FAM168B: variants seen among roughly 807,000 people sequenced by gnomAD.
FAM168B encodes the protein myelin-associated neurite-outgrowth inhibitor.
Under a neutral mutation model 21.8 loss-of-function variants are expected in FAM168B, and 19 were observed. The observed-to-expected ratio is 0.87, with a 90% CI of 0.61 to 1.28. FAM168B has a LOEUF of 1.28. FAM168B is among the 50% of genes most tolerant of loss of function. The pLI is 0.00. For synonymous variants in FAM168B, 126 were observed against 104.8 expected, an observed-to-expected ratio of 1.20 and a Z score of -1.24; for missense variants, 233 against 263.1, an observed-to-expected ratio of 0.89 and a Z score of 0.79.
At position 131,048,784 on chromosome 2, in the gene FAM168B, C is replaced by T. The variant is rs563602792; in HGVS notation, c.*3681G>A. On this transcript the variant is annotated 3_prime_UTR_variant, in exon 7 of 7. Coordinates refer to ENST00000389915, the MANE Select transcript of FAM168B (RefSeq NM_001009993.4). Reference sequence around the variant, plus strand: ...GGCCAACCACACTCTGCTTTAGAGACCCTCTCAGAAAGCACCAGAGAGGAG... The same window carrying T: ...GGCCAACCACACTCTGCTTTAGAGATCCTCTCAGAAAGCACCAGAGAGGAG... 5 of 986,428 alleles carry T rather than the reference C, an allele frequency of 5.1e-6. No individual in the cohort carries two copies. The highest frequency in any genetic ancestry group is 4.7e-5 in the South Asian group (1 of 21,328). The allele number at this position is 986,428 out of a possible 1,614,324, so 61.1% of individuals were successfully genotyped here. A position where few individuals can be genotyped will look rare whatever the true frequency, so the allele number is the denominator to read the frequency against.
chr2:131,064,354 G>C (rs1284148665), intron 3 of FAM168B, among the ~76,000 whole-genome samples: 1 of 152,164 alleles, frequency 6.6e-6, no homozygotes, highest in East Asian at 1.9e-4. Flanking sequence ...CATGTGAGGA[G>C]AGAAGATCTG....
At chr2:131,062,776 T>A (rs1320935698) in intron 3 of FAM168B, among the ~76,000 whole-genome samples, 1 of 152,188 alleles carries the variant, frequency 6.6e-6, no homozygotes. Context: ...ACACCTACTT[T>A]ACAGGTAGGC....
At chr2:131,062,697 C>A (rs1205511345) in intron 3 of FAM168B, among the ~76,000 whole-genome samples, 1 of 152,120 alleles carries the variant, frequency 6.6e-6, no homozygotes, top group Non-Finnish European at 1.5e-5. Flanking sequence ...ATCCACCCAC[C>A]TCGGCCTCCC....
chr2:131,059,075 A>G (rs1462893525), intron 3 of FAM168B, among the ~76,000 whole-genome samples: 1 of 152,186 alleles, frequency 6.6e-6, no homozygotes, highest in Non-Finnish European at 1.5e-5. Flanking sequence ...GCGGGCACAC[A>G]TGTGACTAGT....
chr2:131,052,678 T>TG (rs1179069445), intron 6 of FAM168B, among the ~76,000 whole-genome samples: 1 of 152,190 alleles, frequency 6.6e-6, no homozygotes, highest in Non-Finnish European at 1.5e-5. Flanking sequence ...AGGCTCAAGA[T>TG]GGACAGTGTC....
Position 131,055,336 on chromosome 2 carries a change from G to A in FAM168B, c.411C>T (p.Pro137=), listed in dbSNP as rs776913934. The A allele has an allele frequency of 6.3e-7, 1 of 1,585,252 alleles. No individual in the cohort carries two copies. Among genetic ancestry groups the A allele is most frequent in the Non-Finnish European group, 8.5e-7 (1 of 1,171,380 alleles). Residue 137 remains proline, a synonymous_variant, in exon 5 of 7, where the codon CCC becomes CCT. Coordinates refer to ENST00000389915, the MANE Select transcript of FAM168B (RefSeq NM_001009993.4). The part of the protein sequence containing the change: ...MPATVYPAPI[P]PPRGNGVTMG... ...TGGTGACCCCGTTGCCTCTAGGAGG[G>A]GGGATGGGAGCAGGGTACACCGTTG...
chr2:131,056,503 A>C (rs373880808), intron 3 of FAM168B, among the ~76,000 whole-genome samples: 17 of 152,276 alleles, frequency 1.1e-4, no homozygotes, highest in African/African-American at 3.9e-4. Flanking sequence ...CTCCAGAAGC[A>C]GATAAAGAGA....
chr2:131,065,089 G>A (rs539384652), intron 3 of FAM168B, among the ~76,000 whole-genome samples: 22 of 152,302 alleles, frequency 1.4e-4, no homozygotes, highest in African/African-American at 4.3e-4. Context: ...GTGAAGGAAG[G>A]TCGGGGCAGC....
In FAM168B at chr2:131,055,375, G is replaced by T. The variant is rs777399561; in HGVS notation, c.372C>A (p.Pro124=). ...GGTACACCGTTGCAGGCATGCCGTT[G>T]GGCTGCACCACCGTGGTGTGGTGGA... ...HVIHHTTVVQ[P]NGMPATVYPA... The change falls in exon 5 of 7, where the codon CCC becomes CCA. Residue 124 remains proline (P), a synonymous_variant. Transcript: ENST00000389915. The T allele has an allele frequency of 6.2e-7, 1 of 1,601,940 alleles. No homozygotes were observed. The highest frequency in any genetic ancestry group is 8.5e-7 in the Non-Finnish European group (1 of 1,176,712).
At chr2:131,063,159 A>G (rs993244479) in intron 3 of FAM168B, among the ~76,000 whole-genome samples, 3 of 152,118 alleles carry the variant, frequency 2.0e-5, no homozygotes, top group Non-Finnish European at 4.4e-5. Context: ...GTGACATCTG[A>G]AATTTTTTAA....
At chr2:131,064,537 A>G (rs966248908) in intron 3 of FAM168B, among the ~76,000 whole-genome samples, 1 of 152,174 alleles carries the variant, frequency 6.6e-6, no homozygotes, top group African/African-American at 2.4e-5. Context: ...TCTGGGGGGA[A>G]ATAACTGCTC....
At chr2:131,088,658 G>A (rs904458681) in intron 1 of FAM168B, among the ~76,000 whole-genome samples, 1 of 152,116 alleles carries the variant, frequency 6.6e-6, no homozygotes, top group Non-Finnish European at 1.5e-5. Flanking sequence ...ATACAATAAA[G>A]TATATAAAGT....
At chr2:131,086,338 T>C (rs1176602308) in intron 1 of FAM168B, among the ~76,000 whole-genome samples, 1 of 151,952 alleles carries the variant, frequency 6.6e-6, no homozygotes, top group African/African-American at 2.4e-5. Context: ...GAAAACAAAA[T>C]GGCAAGTCAC....
At chr2:131,071,399 C>G (rs2105522090) in intron 3 of FAM168B, among the ~76,000 whole-genome samples, 1 of 152,274 alleles carries the variant, frequency 6.6e-6, no homozygotes, top group Middle Eastern at 3.4e-3. Flanking sequence ...CAAACCAATT[C>G]CACTTTTAAT....
chr2:131,078,436 G>A (rs2105552681), intron 2 of FAM168B, among the ~76,000 whole-genome samples: 2 of 152,280 alleles, frequency 1.3e-5, no homozygotes, highest in Non-Finnish European at 1.5e-5. Flanking sequence ...GAGACAGAAA[G>A]GACAGACTGA....
At chr2:131,091,503 T>G (rs2105614273) in intron 1 of FAM168B, among the ~76,000 whole-genome samples, 1 of 150,226 alleles carries the variant, frequency 6.7e-6, no homozygotes, top group Middle Eastern at 3.5e-3. Context: ...AAAAATTAGC[T>G]GGGCGCAGTG....
chr2:131,082,715 T>C, intron 1 of FAM168B, 58 bp from the exon 2 acceptor site: 1 of 1,117,526 alleles, frequency 8.9e-7, no homozygotes, highest in Non-Finnish European at 1.3e-6. Flanking sequence ...TTTTCTCCAG[T>C]ACCAGTCCCC....
At chr2:131,068,929 T>C (rs1333371491) in intron 3 of FAM168B, among the ~76,000 whole-genome samples, 2 of 152,184 alleles carry the variant, frequency 1.3e-5, no homozygotes, top group Admixed American at 6.5e-5. Flanking sequence ...GGTGGGAGCA[T>C]TGCTTGAGCC....
Position 131,055,451 on chromosome 2 carries a change from T to C in FAM168B, c.298-2A>G. The C allele has an allele frequency of 6.2e-7, 1 of 1,607,528 alleles. No homozygotes were observed. Among genetic ancestry groups the C allele is most frequent in the Non-Finnish European group, 8.5e-7 (1 of 1,178,154 alleles). On this transcript the variant is annotated splice_acceptor_variant, in intron 4 of 6. Coordinates refer to ENST00000389915, the MANE Select transcript of FAM168B (RefSeq NM_001009993.4). LOFTEE classifies it high-confidence loss of function. ...CGGCTGTGTGTAGTACGTGCCTTGCTGTGGGGAGAAGAGAGACAACTGACA... is the reference window on the plus strand; with the variant it reads ...CGGCTGTGTGTAGTACGTGCCTTGCCGTGGGGAGAAGAGAGACAACTGACA...
Sources: gnomAD v4.1 joint callset for allele counts (sites outside exome capture counted in the v4.1 genomes callset) on GRCh38, gnomAD v4.1.1 for gene constraint, MANE v1.5 for transcripts, NCBI Gene and HGNC (gene_info 2026-07-23, HGNC 2026-07-21) for gene names.